Variants in FBXO25 observed in about 807,000 individuals in gnomAD.
FBXO25 encodes the protein F-box protein 25.
Under a neutral mutation model 51.9 loss-of-function variants are expected in FBXO25, and 45 were observed. That is an observed-to-expected ratio of 0.87 (90% confidence interval 0.68 to 1.11). The LOEUF is 1.11. FBXO25 is among the 50% of genes most tolerant of loss of function. The pLI, the probability that FBXO25 is intolerant of heterozygous loss-of-function variation, is 0.00. For synonymous variants in FBXO25, 199 were observed against 151.0 expected (o/e 1.32, Z -2.33); for missense variants, 507 against 428.5 (o/e 1.18, Z -1.62).
chr8:451,802 T>C (rs1196326980), intron 7 of FBXO25, among the ~76,000 whole-genome samples: 2 of 152,218 alleles, frequency 1.3e-5, no homozygotes, highest in Non-Finnish European at 2.9e-5. Context: ...TATTTAGTTG[T>C]TGCTTCTCCC....
chr8:477,079 T>C lies in FBXO25; in HGVS notation c.*8275T>C, dbSNP rs556655012. On this transcript the variant is annotated 3_prime_UTR_variant, in exon 10 of 10. Transcript: ENST00000350302. ...TTGAGAGCGTTGTTTAATTTTCACA[T>C]AATTGTGTACTTTTCAGTTTTTTGT... is the stretch of plus-strand genomic sequence containing the variant. 1 of 152,156 alleles carries C rather than the reference T, an allele frequency of 6.6e-6. No individual in the cohort carries two copies. The highest frequency in any genetic ancestry group is 2.1e-4 in the South Asian group (1 of 4,830). 9.4% of individuals were successfully genotyped at this position (152,156 alleles called of 1,614,324 possible).
In FBXO25 at chr8:451,305, A is replaced by T. The variant is rs1376937995; in HGVS notation, c.512A>T (p.Asp171Val). The change falls in exon 7 of 10, where the codon GAT (aspartate) becomes GTT (valine). Residue 171 changes from aspartate (D) to valine (V), a missense_variant. Physicochemically the swap from Asp to Val is radical, Grantham distance 152. Coordinates refer to ENST00000350302, the MANE Select transcript of FBXO25 (RefSeq NM_183420.2). Reference sequence around the variant, plus strand: ...CACCACAATCCTCGCTTAATCAAAGATCTTCTGCAAGACCTAAGCTCTACC... The same window carrying T: ...CACCACAATCCTCGCTTAATCAAAGTTCTTCTGCAAGACCTAAGCTCTACC... ...DDHHNPRLIK[D>V]LLQDLSSTLC... 6.2e-7 allele frequency: 1 copy of T among 1,610,656 alleles called. No homozygotes were observed. The highest frequency in any genetic ancestry group is 1.7e-5 in the Admixed American group (1 of 58,778).
chr8:452,997 C>T (rs1041936594), intron 7 of FBXO25, among the ~76,000 whole-genome samples: 11 of 152,184 alleles, frequency 7.2e-5, no homozygotes, highest in Admixed American at 1.3e-4. Context: ...GCTTGCCCCA[C>T]TCAGTGCTGA....
chr8:449,554 G>C (rs920192313), intron 5 of FBXO25, among the ~76,000 whole-genome samples: 8 of 152,348 alleles, frequency 5.3e-5, no homozygotes, highest in African/African-American at 1.7e-4. Context: ...AGGGCTGTTT[G>C]ATTTTCTGAT....
Position 476,024 on chromosome 8 carries a change from G to A in FBXO25, c.*7220G>A. 1 of 152,186 alleles carries A rather than the reference G, an allele frequency of 6.6e-6. No homozygotes were observed. The highest frequency in any genetic ancestry group is 1.9e-4 in the East Asian group (1 of 5,178). 9.4% of individuals were successfully genotyped at this position (152,186 alleles called of 1,614,324 possible). ...ATGTTTACAGTGGGATGTTCATATG[G>A]CCTCTATTTTAGGTTGTTTCCTTCT... On this transcript the variant is annotated 3_prime_UTR_variant, in exon 10 of 10. Transcript: ENST00000350302.
At position 411,285 on chromosome 8, in the gene FBXO25, G is replaced by A. The variant is rs372862119; in HGVS notation, c.-7-1788G>A. ...TGCTTGGCATTTTTATAACATTTTC[G>A]TCTCTGTCGACCATTTCTTTCCTGA... On this transcript the variant is annotated intron_variant, in intron 1 of 9. Transcript: ENST00000350302. Among the ~76,000 whole-genome samples, 24 of 152,074 alleles carry A rather than the reference G, an allele frequency of 1.6e-4. No individual in the cohort carries two copies. In the South Asian group the frequency reaches 3.3e-3, roughly 21 times the overall value.
At chr8:417,957 G>A (rs984733929) in intron 2 of FBXO25, among the ~76,000 whole-genome samples, 1 of 152,120 alleles carries the variant, frequency 6.6e-6, no homozygotes, top group Non-Finnish European at 1.5e-5. Flanking sequence ...TAAAATTCTA[G>A]TATTGCCACA....
intron 7 of FBXO25, among the ~76,000 whole-genome samples, chr8:456,037 T>C (rs1799405821): frequency 6.6e-6 from 1 of 152,198 alleles, no homozygotes; most frequent in Admixed American, 6.5e-5. Context: ...TACCACCACT[T>C]CATGCTACCT....
chr8:421,007 G>T (rs778351637), intron 2 of FBXO25, among the ~76,000 whole-genome samples: 1 of 152,196 alleles, frequency 6.6e-6, no homozygotes, highest in Non-Finnish European at 1.5e-5. Flanking sequence ...TAATCCAGGG[G>T]TCCCCAACCC....
intron 5 of FBXO25, among the ~76,000 whole-genome samples, chr8:447,179 C>T (rs368717452): frequency 1.6e-4 from 24 of 152,190 alleles, no homozygotes; most frequent in African/African-American, 5.5e-4. Flanking sequence ...CCAGGGAGGA[C>T]CACTGACAGC....
At chr8:430,098 C>G (rs187284940) in intron 2 of FBXO25, among the ~76,000 whole-genome samples, 5 of 152,352 alleles carry the variant, frequency 3.3e-5, no homozygotes, top group Admixed American at 2.0e-4. Flanking sequence ...GCAGTCCTGT[C>G]TCCTTCCATA....
chr8:440,873 T>A (rs1443260653), intron 5 of FBXO25, among the ~76,000 whole-genome samples: 3 of 144,970 alleles, frequency 2.1e-5, no homozygotes, highest in African/African-American at 7.7e-5. Flanking sequence ...TTGCTGAGAA[T>A]AATGGTTTCC....
At chr8:435,797 T>C in intron 5 of FBXO25, 90 bp downstream of exon 5, 1 of 1,526,474 alleles carries the variant, frequency 6.6e-7, no homozygotes, top group Non-Finnish European at 8.8e-7. Context: ...AAGATGCTTT[T>C]GGCAGCTTGA....
In FBXO25 at chr8:471,015, G is replaced by A. The variant is rs1163717025; in HGVS notation, c.*2211G>A. ...TGTTACTGTCATTTAATTGTTAGATGTTATAACAGTTCTCAGCTGTGCTAT... is the reference window on the plus strand; with the variant it reads ...TGTTACTGTCATTTAATTGTTAGATATTATAACAGTTCTCAGCTGTGCTAT... On this transcript the variant is annotated 3_prime_UTR_variant, in exon 10 of 10. Transcript: ENST00000350302. 1 of 152,136 alleles carries A rather than the reference G, an allele frequency of 6.6e-6. No individual in the cohort carries two copies. Among genetic ancestry groups the A allele is most frequent in the South Asian group, 2.1e-4 (1 of 4,820 alleles). 9.4% of individuals were successfully genotyped at this position (152,136 alleles called of 1,614,324 possible).
chr8:408,917 AG>A (rs1796328098), intron 1 of FBXO25, among the ~76,000 whole-genome samples: 1 of 152,224 alleles, frequency 6.6e-6, no homozygotes, highest in Non-Finnish European at 1.5e-5. Flanking sequence ...AATAATTTTC[AG>A]GAGTAATTTC....
chr8:453,172 G>A (rs967530143), intron 7 of FBXO25, among the ~76,000 whole-genome samples: 7 of 152,230 alleles, frequency 4.6e-5, no homozygotes, highest in Admixed American at 3.3e-4. Flanking sequence ...GTACAAAAAT[G>A]AAATTAATGT....
intron 8 of FBXO25, 122 bp downstream of exon 8, chr8:458,673 A>G (rs1799611007): frequency 3.3e-6 from 3 of 899,542 alleles, no homozygotes; most frequent in Non-Finnish European, 5.0e-6. Flanking sequence ...TTAAAGAACC[A>G]GGAACAATCA....
chr8:431,927 G>A (rs1332607347), intron 3 of FBXO25, among the ~76,000 whole-genome samples: 1 of 152,144 alleles, frequency 6.6e-6, no homozygotes, highest in Non-Finnish European at 1.5e-5. Flanking sequence ...TGTATAGTAG[G>A]CTCCCTTACC....
intron 9 of FBXO25, among the ~76,000 whole-genome samples, chr8:468,424 G>C (rs932678012): frequency 4.6e-5 from 7 of 152,058 alleles, no homozygotes; most frequent in Non-Finnish European, 8.8e-5. Context: ...GGCAGTGCAG[G>C]GTGGTGTCAG....
Sources: gnomAD v4.1 joint callset for allele counts (sites outside exome capture counted in the v4.1 genomes callset) on GRCh38, gnomAD v4.1.1 for gene constraint, MANE v1.5 for transcripts, NCBI Gene and HGNC (gene_info 2026-07-23, HGNC 2026-07-21) for gene names.